The following IQCH variants were observed in gnomAD, a reference collection of about 807,000 sequenced individuals.
IQCH encodes IQ domain-containing protein H.
A neutral mutation model predicts 117.0 loss-of-function variants in IQCH; 98 were observed. The observed-to-expected ratio is 0.84, with a 90% CI of 0.71 to 0.99. IQCH has a LOEUF of 0.99. IQCH is among the 50% of genes least tolerant of loss of function. IQCH has a pLI of 0.00. For missense variants in IQCH, 1,102 were observed against 1,243.8 expected (o/e 0.89, Z 1.72); for synonymous variants, 412 against 448.2 (o/e 0.92, Z 1.02).
rs554616369 is a variant in IQCH at position 67,464,687 on chromosome 15, C to T, written c.2506-440C>T. ...CCAGAGGGGCTGTCACTGCTTTTTC[C>T]AAAATCAGGGCAAACTGCCCTTTCT... On this transcript the variant is annotated intron_variant, in intron 16 of 20. Coordinates refer to ENST00000335894, the MANE Select transcript of IQCH (RefSeq NM_001031715.3). Among the ~76,000 whole-genome samples, 5 of 152,280 alleles carry T rather than the reference C, an allele frequency of 3.3e-5. No individual in the cohort carries two copies. The East Asian group carries it at 9.7e-4, about 29-fold the overall frequency.
chr15:67,311,183 A>G (rs776330997), intron 4 of IQCH, among the ~76,000 whole-genome samples: 3 of 152,128 alleles, frequency 2.0e-5, no homozygotes, highest in East Asian at 3.8e-4. Flanking sequence ...ATATCCCCCA[A>G]TTGACTACTT....
Position 67,465,427 on chromosome 15 carries a change from T to C in IQCH, c.2676+130T>C, listed in dbSNP as rs1415418196. On this transcript the variant is annotated intron_variant, in intron 17 of 20. Transcript: ENST00000335894. This position sits in a 1 kb window ranked among gnomAD's most constrained non-coding sequence, Gnocchi z 5.9. ...AGAGCCTAAGGCAAGTCATTGGACT[T>C]GTCTGAGCAGGGTCTGGAAATGCGA... 1 of 868,038 alleles carries C rather than the reference T, an allele frequency of 1.2e-6. No homozygotes were observed. The highest frequency in any genetic ancestry group is 2.5e-5 in the East Asian group (1 of 39,414). The allele number at this position is 868,038 out of a possible 1,614,324, so 53.8% of individuals were successfully genotyped here.
intron 4 of IQCH, among the ~76,000 whole-genome samples, chr15:67,282,699 T>C (rs953878649): frequency 6.6e-6 from 1 of 152,194 alleles, no homozygotes; most frequent in Non-Finnish European, 1.5e-5. Context: ...ATTAAGTAGT[T>C]ATGAAATCCA....
chr15:67,263,158 A>C lies in IQCH; in HGVS notation c.211A>C (p.Asn71His). ...IEKYLNVVNQ[N>H]VLTTSVNDES... ...GAAGTATTTAAATGTTGTAAACCAGAATGTATTAACGACTTCTGTTAATGA... is the reference window on the plus strand; with the variant it reads ...GAAGTATTTAAATGTTGTAAACCAGCATGTATTAACGACTTCTGTTAATGA... The change falls in exon 3 of 21, where the codon AAT becomes CAT. Residue 71 changes from asparagine to histidine, a missense_variant. This residue lies in a region of IQCH where 452 missense variants were observed against 449.6 expected (regional missense o/e 1.01). Coordinates refer to ENST00000335894, the MANE Select transcript of IQCH (RefSeq NM_001031715.3). 1 of 1,580,954 alleles carries C rather than the reference A, an allele frequency of 6.3e-7. No individual in the cohort carries two copies. Among genetic ancestry groups the C allele is most frequent in the Non-Finnish European group, 8.7e-7 (1 of 1,150,112 alleles).
Position 67,433,835 on chromosome 15 carries a change from T to A in IQCH, c.2505+12258T>A, listed in dbSNP as rs2082068574. Among the ~76,000 whole-genome samples, 1 of 152,196 alleles carries A rather than the reference T, an allele frequency of 6.6e-6. No individual in the cohort carries two copies. Among genetic ancestry groups the A allele is most frequent in the Non-Finnish European group, 1.5e-5 (1 of 68,022 alleles). ...TGAGCATTTATAGCTTGCCCCAGCA[T>A]CCCAAAACAAAGCTGAAAGTTGTTT... On this transcript the variant is annotated intron_variant, in intron 16 of 20. Transcript: ENST00000335894. This position sits in a 1 kb window ranked among gnomAD's most constrained non-coding sequence, Gnocchi z 5.4.
chr15:67,421,095 G>GAT lies in IQCH; in HGVS notation c.2219-194_2219-193dup, dbSNP rs796311650. ...AGCGCTGGGCTGAATACTATAGATAGATACAGTATCTCCAAGATGCACAAC... is the reference window on the plus strand; with the variant it reads ...AGCGCTGGGCTGAATACTATAGATAGATATACAGTATCTCCAAGATGCACAAC... On this transcript the variant is annotated intron_variant, in intron 15 of 20. Coordinates refer to ENST00000335894, the MANE Select transcript of IQCH (RefSeq NM_001031715.3). 2.7e-5 allele frequency: 16 copies of GAT among 595,836 alleles called. No individual in the cohort carries two copies. The South Asian group carries it at 3.0e-4, about 11-fold the overall frequency. The allele number at this position is 595,836 out of a possible 1,614,324, so 36.9% of individuals were successfully genotyped here. A position where few individuals can be genotyped will look rare whatever the true frequency, so the allele number is the denominator to read the frequency against.
chr15:67,458,190 C>G lies in IQCH; in HGVS notation c.2506-6937C>G, dbSNP rs2082704003. 6.6e-6 allele frequency among the ~76,000 whole-genome samples: 1 copy of G among 152,236 alleles called. No individual in the cohort carries two copies. The highest frequency in any genetic ancestry group is 6.5e-5 in the Admixed American group (1 of 15,290). ...ATAACATGCTGTAACAAAGGCATCT[C>G]AAACTTAACTGATCTGAAATCTTGA... On this transcript the variant is annotated intron_variant, in intron 16 of 20. Transcript: ENST00000335894. The surrounding 1 kb of genome is among the most constrained non-coding windows in gnomAD (Gnocchi z 4.1).
intron 4 of IQCH, among the ~76,000 whole-genome samples, chr15:67,298,176 T>A (rs1966870730): frequency 6.6e-6 from 1 of 151,520 alleles, no homozygotes; most frequent in Non-Finnish European, 1.5e-5. Flanking sequence ...AGGTGTGGTG[T>A]CGTAGCCTGT....
rs894828691 is a variant in IQCH at position 67,463,211 on chromosome 15, A to C, written c.2506-1916A>C. Reference sequence around the variant, plus strand: ...GGTAAATACAGGCCTTCTAGGAGGAAAAACTGTTTAATCAAGTCTTCATGA... The same window carrying C: ...GGTAAATACAGGCCTTCTAGGAGGACAAACTGTTTAATCAAGTCTTCATGA... On this transcript the variant is annotated intron_variant, in intron 16 of 20. Coordinates refer to ENST00000335894, the MANE Select transcript of IQCH (RefSeq NM_001031715.3). The surrounding 1 kb of genome is among the most constrained non-coding windows in gnomAD (Gnocchi z 4.0). Among the ~76,000 whole-genome samples the C allele has an allele frequency of 1.3e-5, 2 of 152,196 alleles. No homozygotes were observed. Among genetic ancestry groups the C allele is most frequent in the Non-Finnish European group, 2.9e-5 (2 of 68,024 alleles).
Position 67,381,047 on chromosome 15 carries a change from T to G in IQCH, c.1373-3889T>G, listed in dbSNP as rs1970911721. Among the ~76,000 whole-genome samples, 1 of 152,210 alleles carries G rather than the reference T, an allele frequency of 6.6e-6. No individual in the cohort carries two copies. The highest frequency in any genetic ancestry group is 2.4e-5 in the African/African-American group (1 of 41,456). ...GAGTTTTCAAGAACGTGTGATCTGC[T>G]GCAACAACAGGGGCCTGTCACAGAG... On this transcript the variant is annotated intron_variant, in intron 10 of 20. Coordinates refer to ENST00000335894, the MANE Select transcript of IQCH (RefSeq NM_001031715.3). This position sits in a 1 kb window ranked among gnomAD's most constrained non-coding sequence, Gnocchi z 5.1.
chr15:67,371,656 C>T (rs550360003), intron 8 of IQCH: 18 of 605,610 alleles, frequency 3.0e-5, no homozygotes, highest in Non-Finnish European at 4.3e-5. Context: ...CAATTTTTAA[C>T]GGGCACATTT....
In IQCH at chr15:67,331,063, A is replaced by G. The variant is rs904919307; in HGVS notation, c.388-5912A>G. On this transcript the variant is annotated intron_variant, in intron 4 of 20. Coordinates refer to ENST00000335894, the MANE Select transcript of IQCH (RefSeq NM_001031715.3). ...GAGGAGATTCTACATCACAGCAAGT[A>G]GAATGTCTGGACAGAGCTACCCAAG... is the stretch of plus-strand genomic sequence containing the variant. Among the ~76,000 whole-genome samples the G allele has an allele frequency of 2.6e-5, 4 of 152,216 alleles. No homozygotes were observed. The South Asian group carries it at 8.3e-4, about 31-fold the overall frequency.
In IQCH at chr15:67,420,821, A is replaced by G. The variant is rs189577423; in HGVS notation, c.2219-470A>G. 4.1e-4 allele frequency among the ~76,000 whole-genome samples: 63 copies of G among 152,362 alleles called. No homozygotes were observed. The East Asian group carries it at 0.01, about 25-fold the overall frequency. On this transcript the variant is annotated intron_variant, in intron 15 of 20. Transcript: ENST00000335894. ...AGTCCTTTGGCTGACATGATGGTCA[A>G]TGTTCTCTCTGCCCACAAAAAGCCC... is the stretch of plus-strand genomic sequence containing the variant.
intron 13 of IQCH, among the ~76,000 whole-genome samples, chr15:67,399,457 T>C (rs1427810388): frequency 1.2e-4 from 2 of 16,736 alleles, no homozygotes; most frequent in Non-Finnish European, 2.3e-4. Flanking sequence ...TTGAGCCCAG[T>C]TCTTGAGGAA....
intron 4 of IQCH, among the ~76,000 whole-genome samples, chr15:67,309,584 A>C (rs1041538047): frequency 6.6e-6 from 1 of 151,996 alleles, no homozygotes; most frequent in African/African-American, 2.4e-5. Flanking sequence ...TAGTAGGCCT[A>C]GTTGCACAGG....
At chr15:67,282,710 A>C (rs909633244) in intron 4 of IQCH, among the ~76,000 whole-genome samples, 3 of 152,304 alleles carry the variant, frequency 2.0e-5, no homozygotes, top group South Asian at 4.1e-4. Flanking sequence ...ATGAAATCCA[A>C]CTGGGATATT....
At position 67,443,860 on chromosome 15, in the gene IQCH, G is replaced by A. The variant is rs561550477; in HGVS notation, c.2506-21267G>A. Among the ~76,000 whole-genome samples the A allele has an allele frequency of 3.3e-5, 5 of 152,162 alleles. No individual in the cohort carries two copies. The highest frequency in any genetic ancestry group is 7.4e-5 in the Non-Finnish European group (5 of 68,018). On this transcript the variant is annotated intron_variant, in intron 16 of 20. Transcript: ENST00000335894. This position sits in a 1 kb window ranked among gnomAD's most constrained non-coding sequence, Gnocchi z 5.0. ...AAGCACTCTGTTATGTATTTTACATGTAGTAACCCTAATCTTCACATCCTG... is the reference window on the plus strand; with the variant it reads ...AAGCACTCTGTTATGTATTTTACATATAGTAACCCTAATCTTCACATCCTG...
Position 67,474,193 on chromosome 15 carries a change from G to A in IQCH, c.2677-1503G>A, listed in dbSNP as rs1258448210. On this transcript the variant is annotated intron_variant, in intron 17 of 20. Coordinates refer to ENST00000335894, the MANE Select transcript of IQCH (RefSeq NM_001031715.3). The surrounding 1 kb of genome is among the most constrained non-coding windows in gnomAD (Gnocchi z 4.1). ...CCCAGTTCCCTTGCGTTATCTCAGA[G>A]ACAGGAGGCGAGCCAGAGGCCTGAT... is the stretch of plus-strand genomic sequence containing the variant. Among the ~76,000 whole-genome samples, 1 of 151,992 alleles carries A rather than the reference G, an allele frequency of 6.6e-6. No homozygotes were observed. The highest frequency in any genetic ancestry group is 2.4e-5 in the African/African-American group (1 of 41,362).
intron 4 of IQCH, among the ~76,000 whole-genome samples, chr15:67,311,643 TA>T (rs1010482189): frequency 2.7e-5 from 4 of 150,634 alleles, no homozygotes; most frequent in Admixed American, 2.0e-4. Context: ...TACATATAGG[TA>T]CATAATACTA....
Sources: allele counts gnomAD v4.1 joint callset (sites outside exome capture counted in the v4.1 genomes callset), GRCh38; gene constraint gnomAD v4.1.1; regional missense constraint gnomAD v4.1.1; non-coding constraint Gnocchi (gnomAD v3.1); transcripts MANE v1.5; gene names NCBI Gene and HGNC (gene_info 2026-07-23, HGNC 2026-07-21).